SIAH3: variants seen among roughly 807,000 people sequenced by gnomAD.
SIAH3 encodes seven in absentia homolog 3.
In SIAH3, 9 loss-of-function variants were observed where a neutral mutation model predicts 12.6. The observed-to-expected ratio is 0.72, with a 90% CI of 0.43 to 1.25. SIAH3 has a LOEUF of 1.25. Ranked by LOEUF, SIAH3 falls within the 50% of genes most tolerant of loss-of-function variation. The pLI is 0.00. For missense variants in SIAH3, 390 were observed against 365.4 expected (o/e 1.07, Z -0.55); for synonymous variants, 154 against 151.1 (o/e 1.02, Z -0.14).
In SIAH3 at chr13:45,783,740, G is replaced by T. The variant is rs763997823; in HGVS notation, c.453C>A (p.Pro151=). 1 of 1,614,154 alleles carries T rather than the reference G, an allele frequency of 6.2e-7. No individual in the cohort carries two copies. Among genetic ancestry groups the T allele is most frequent in the East Asian group, 2.2e-5 (1 of 44,880 alleles). Residue 151 remains proline, a synonymous_variant, in exon 2 of 2, where the codon CCC becomes CCA. Coordinates refer to ENST00000400405, the MANE Select transcript of SIAH3 (RefSeq NM_198849.3). ...IVFLATDMHL[P]APADWIIMHS... is the part of the protein sequence containing the mutation. ...GCATGATGATCCAATCAGCCGGCGC[G>T]GGGAGGTGCATGTCCGTGGCCAGGA...
chr13:45,838,016 C>G (rs1283500029), intron 1 of SIAH3, among the ~76,000 whole-genome samples: 1 of 152,150 alleles, frequency 6.6e-6, no homozygotes, highest in Non-Finnish European at 1.5e-5. Context: ...CCACATCACC[C>G]CCCATTTGGT....
chr13:45,838,317 T>A (rs1229983221), intron 1 of SIAH3, among the ~76,000 whole-genome samples: 1 of 152,194 alleles, frequency 6.6e-6, no homozygotes, highest in African/African-American at 2.4e-5. Context: ...TGTTTCTAAT[T>A]TCTCTCCGAT....
intron 1 of SIAH3, among the ~76,000 whole-genome samples, chr13:45,789,522 TCA>T (rs995475642): frequency 1.3e-5 from 2 of 152,140 alleles, no homozygotes; most frequent in African/African-American, 4.8e-5. Context: ...TTCTCCTGTC[TCA>T]GTTTCCTGAG....
At chr13:45,830,170 T>C (rs866752578) in intron 1 of SIAH3, among the ~76,000 whole-genome samples, 1 of 152,234 alleles carries the variant, frequency 6.6e-6, no homozygotes, top group Admixed American at 6.5e-5. Flanking sequence ...CAGTCAGCTG[T>C]AGCCCCAGGG....
chr13:45,821,446 C>G (rs867208519), intron 1 of SIAH3, among the ~76,000 whole-genome samples: 3 of 152,206 alleles, frequency 2.0e-5, no homozygotes, highest in African/African-American at 7.2e-5. Context: ...GTAGCCCAAT[C>G]ACACTGTCAC....
intron 1 of SIAH3, among the ~76,000 whole-genome samples, chr13:45,824,895 A>C (rs1006755297): frequency 1.3e-5 from 2 of 151,770 alleles, no homozygotes; most frequent in Admixed American, 1.3e-4. Flanking sequence ...AAAACAAAAA[A>C]AACAAAAACC....
intron 1 of SIAH3, among the ~76,000 whole-genome samples, chr13:45,835,915 T>C (rs1950716154): frequency 6.6e-6 from 1 of 152,252 alleles, no homozygotes; most frequent in Non-Finnish European, 1.5e-5. Flanking sequence ...TCTGTATTGA[T>C]AACACGCTTA....
At chr13:45,835,779 G>C (rs578179758) in intron 1 of SIAH3, among the ~76,000 whole-genome samples, 1 of 152,158 alleles carries the variant, frequency 6.6e-6, no homozygotes, top group African/African-American at 2.4e-5. Context: ...AGGGATCTGC[G>C]GGGCTTGGGA....
chr13:45,840,794 T>C (rs1950737300), intron 1 of SIAH3, among the ~76,000 whole-genome samples: 1 of 152,208 alleles, frequency 6.6e-6, no homozygotes, highest in Non-Finnish European at 1.5e-5. Flanking sequence ...CAGTTGTTTG[T>C]TGTGAAAAGT....
At chr13:45,806,223 T>C (rs576495203) in intron 1 of SIAH3, among the ~76,000 whole-genome samples, 2 of 152,124 alleles carry the variant, frequency 1.3e-5, no homozygotes, top group Non-Finnish European at 2.9e-5. Context: ...GGAGTATATA[T>C]GCAAAGGAAA....
rs546427477 is a variant in SIAH3 at position 45,819,495 on chromosome 13, A to G, written c.135+32000T>C. 1.0e-3 allele frequency among the ~76,000 whole-genome samples: 157 copies of G among 152,230 alleles called. 2 individuals are homozygous for G. The highest frequency in any genetic ancestry group is 2.0e-3 in the Non-Finnish European group (136 of 68,014). On this transcript the variant is annotated intron_variant, in intron 1 of 1. Coordinates refer to ENST00000400405, the MANE Select transcript of SIAH3 (RefSeq NM_198849.3). ...ATCATTATGGCCTCTACAAGAAACCAATAACTGCAAATTAGGGAAAAAAAC... is the reference window on the plus strand; with the variant it reads ...ATCATTATGGCCTCTACAAGAAACCGATAACTGCAAATTAGGGAAAAAAAC...
intron 1 of SIAH3, among the ~76,000 whole-genome samples, chr13:45,825,482 A>G (rs1343850770): frequency 6.6e-6 from 1 of 152,230 alleles, no homozygotes; most frequent in African/African-American, 2.4e-5. Flanking sequence ...CGCAGCCCCC[A>G]GCCCTGCCTG....
At chr13:45,803,503 G>T (rs1566090034) in intron 1 of SIAH3, among the ~76,000 whole-genome samples, 1 of 152,218 alleles carries the variant, frequency 6.6e-6, no homozygotes, top group Admixed American at 6.5e-5. Context: ...GCCAAGGAAG[G>T]TCTCATGGAG....
intron 1 of SIAH3, among the ~76,000 whole-genome samples, chr13:45,846,796 G>A (rs1397372023): frequency 6.6e-6 from 1 of 152,124 alleles, no homozygotes; most frequent in African/African-American, 2.4e-5. Context: ...CATCATAGCC[G>A]CCAGCTTCAG....
In SIAH3 at chr13:45,782,588, C is replaced by T. The variant is rs949032916; in HGVS notation, c.*795G>A. The T allele has an allele frequency of 6.6e-6, 1 of 152,152 alleles. No individual in the cohort carries two copies. The highest frequency in any genetic ancestry group is 2.4e-5 in the African/African-American group (1 of 41,420). 9.4% of individuals were successfully genotyped at this position (152,152 alleles called of 1,614,324 possible). A position where few individuals can be genotyped will look rare whatever the true frequency, so the allele number is the denominator to read the frequency against. On this transcript the variant is annotated 3_prime_UTR_variant, in exon 2 of 2. Coordinates refer to ENST00000400405, the MANE Select transcript of SIAH3 (RefSeq NM_198849.3). ...ATCCCCACCCCCCATCTTGCCTATT[C>T]TTTTCTACTACTTGCTCAACAGAAG...
At chr13:45,802,174 C>A (rs1392277654) in intron 1 of SIAH3, among the ~76,000 whole-genome samples, 6 of 152,080 alleles carry the variant, frequency 3.9e-5, no homozygotes, top group Non-Finnish European at 8.8e-5. Context: ...GGCGTGGTGG[C>A]ATGCACCTGT....
At chr13:45,833,481 ACACACACACACG>A (rs1950706999) in intron 1 of SIAH3, among the ~76,000 whole-genome samples, 1 of 145,022 alleles carries the variant, frequency 6.9e-6, no homozygotes, top group Non-Finnish European at 1.5e-5. Context: ...ACACACATGC[ACACACACACACG>A]CACACACACA....
chr13:45,814,100 G>T (rs1347539822), intron 1 of SIAH3, among the ~76,000 whole-genome samples: 1 of 151,814 alleles, frequency 6.6e-6, no homozygotes, highest in Non-Finnish European at 1.5e-5. Context: ...TTAGCCGGGC[G>T]TGGTGGCGGG....
chr13:45,796,161 T>A lies in SIAH3; in HGVS notation c.136-12104A>T, dbSNP rs139799514. ...GTGGTGGCTCTATGGATATGTGATTTTATATATATATATGTGTGTAAAAAT... is the reference window on the plus strand; with the variant it reads ...GTGGTGGCTCTATGGATATGTGATTATATATATATATATGTGTGTAAAAAT... On this transcript the variant is annotated intron_variant, in intron 1 of 1. Coordinates refer to ENST00000400405, the MANE Select transcript of SIAH3 (RefSeq NM_198849.3). Among the ~76,000 whole-genome samples, 753 of 151,866 alleles carry A rather than the reference T, an allele frequency of 5.0e-3. 4 individuals carry two copies. Among genetic ancestry groups the A allele is most frequent in the African/African-American group, 0.017 (713 of 41,412 alleles).
Sources: gnomAD v4.1 joint callset for allele counts (sites outside exome capture counted in the v4.1 genomes callset) on GRCh38, gnomAD v4.1.1 for gene constraint, MANE v1.5 for transcripts, NCBI Gene and HGNC (gene_info 2026-07-23, HGNC 2026-07-21) for gene names.